Variants in ARPC2 observed in about 807,000 individuals in gnomAD.
ARPC2 encodes the protein actin related protein 2/3 complex subunit 2.
Under a neutral mutation model 38.6 loss-of-function variants are expected in ARPC2, and 4 were observed. The observed-to-expected ratio is 0.10, with a 90% CI of 0.05 to 0.24. ARPC2 has a LOEUF of 0.24. Among genes scored for constraint, ARPC2 ranks in the 10% least tolerant of loss-of-function variants. The pLI is 1.00. For synonymous variants in ARPC2, 125 were observed against 140.8 expected, an observed-to-expected ratio of 0.89 and a Z score of 0.79; for missense variants, 229 against 387.3, an observed-to-expected ratio of 0.59 and a Z score of 3.43.
Position 218,239,498 on chromosome 2 carries a change from A to C in ARPC2, c.549+14A>C. The C allele has an allele frequency of 3.7e-6, 6 of 1,605,110 alleles. No homozygotes were observed. The highest frequency in any genetic ancestry group is 4.3e-6 in the Non-Finnish European group (5 of 1,171,760). ...GTGTTCATGCAGGTATGGAGCAGAC[A>C]TCTTGGGGGAAACCCATGCATGGCG... is the stretch of plus-strand genomic sequence containing the variant. On this transcript the variant is annotated intron_variant, in intron 7 of 10. Coordinates refer to ENST00000315717, the MANE Select transcript of ARPC2 (RefSeq NM_152862.3).
At chr2:218,240,386 G>T (rs1689884470) in intron 7 of ARPC2, among the ~76,000 whole-genome samples, 1 of 152,194 alleles carries the variant, frequency 6.6e-6, no homozygotes, top group African/African-American at 2.4e-5. Context: ...ACTTTGTCAG[G>T]TTTCCTAACC....
chr2:218,234,135 C>G (rs1351577734), intron 4 of ARPC2: 7 of 421,674 alleles, frequency 1.7e-5, no homozygotes, highest in Middle Eastern at 6.2e-4. Context: ...CGCCATTGCA[C>G]TCTGTCCCAG....
chr2:218,223,130 C>G (rs1370474873), intron 2 of ARPC2, among the ~76,000 whole-genome samples: 1 of 152,198 alleles, frequency 6.6e-6, no homozygotes, highest in Non-Finnish European at 1.5e-5. Context: ...TTTCAGTTAC[C>G]TGCAGTGAGC....
intron 4 of ARPC2, among the ~76,000 whole-genome samples, chr2:218,230,276 C>CT (rs1404910498): frequency 1.8e-4 from 20 of 112,456 alleles, no homozygotes; most frequent in African/African-American, 3.2e-4. Flanking sequence ...CCAGCCTTTT[C>CT]TTTTTTTTTT....
At chr2:218,237,135 G>A (rs1689792831) in intron 5 of ARPC2, among the ~76,000 whole-genome samples, 1 of 152,078 alleles carries the variant, frequency 6.6e-6, no homozygotes, top group Admixed American at 6.6e-5. Context: ...TTTAAGTATT[G>A]AACATTCTTT....
chr2:218,230,904 T>C (rs1169004710), intron 4 of ARPC2, among the ~76,000 whole-genome samples: 2 of 152,164 alleles, frequency 1.3e-5, no homozygotes, highest in Non-Finnish European at 2.9e-5. Flanking sequence ...AAGAAAGAGT[T>C]AAGCTAGATT....
intron 4 of ARPC2, among the ~76,000 whole-genome samples, chr2:218,231,060 G>A (rs1029771636): frequency 6.6e-6 from 1 of 152,148 alleles, no homozygotes; most frequent in Non-Finnish European, 1.5e-5. Context: ...TTGGAGCAGA[G>A]TGCACAGTAA....
Position 218,249,816 on chromosome 2 carries a change from C to T in ARPC2, c.778-5C>T. ...TGCTTTAGTACCTGTTATGTTTGTT[C>T]CCAGGCCTATATTCACACACGTATG... On this transcript the variant is annotated splice_region_variant and splice_polypyrimidine_tract_variant and intron_variant, in intron 9 of 10. Coordinates refer to ENST00000315717, the MANE Select transcript of ARPC2 (RefSeq NM_152862.3). 1 of 1,611,776 alleles carries T rather than the reference C, an allele frequency of 6.2e-7. No individual in the cohort carries two copies.
At chr2:218,219,748 C>T (rs868178240) in intron 2 of ARPC2, among the ~76,000 whole-genome samples, 1 of 152,038 alleles carries the variant, frequency 6.6e-6, no homozygotes, top group Non-Finnish European at 1.5e-5. Flanking sequence ...TAAATCTAGG[C>T]TTTTATTCTG....
intron 7 of ARPC2, among the ~76,000 whole-genome samples, chr2:218,242,135 AT>A (rs1041253670): frequency 1.3e-5 from 2 of 152,124 alleles, no homozygotes; most frequent in African/African-American, 4.8e-5. Context: ...TGCTTTTGTC[AT>A]TTGGCAAGCA....
chr2:218,235,113 G>T, intron 5 of ARPC2: 1 of 300,382 alleles, frequency 3.3e-6, no homozygotes, highest in Non-Finnish European at 6.6e-6. Context: ...GATTAGAAAA[G>T]TCTTCTAAGA....
At chr2:218,240,242 C>T (rs929480541) in intron 7 of ARPC2, among the ~76,000 whole-genome samples, 8 of 152,134 alleles carry the variant, frequency 5.3e-5, no homozygotes, top group African/African-American at 1.4e-4. Context: ...CATGAGCCAC[C>T]GCGCCCAGCC....
chr2:218,231,038 A>T (rs1255354196), intron 4 of ARPC2, among the ~76,000 whole-genome samples: 2 of 152,190 alleles, frequency 1.3e-5, no homozygotes, highest in African/African-American at 4.8e-5. Context: ...GGAGTAAGTA[A>T]CATTCATAGT....
At chr2:218,234,550 G>A in intron 5 of ARPC2, 153 bp downstream of exon 5, 1 of 634,406 alleles carries the variant, frequency 1.6e-6, no homozygotes, top group Non-Finnish European at 2.7e-6. Context: ...CATAAAAATA[G>A]CTTTTAAGGG....
intron 10 of ARPC2, among the ~76,000 whole-genome samples, chr2:218,250,629 A>C (rs1249578425): frequency 2.0e-5 from 3 of 148,806 alleles, no homozygotes; most frequent in Non-Finnish European, 1.5e-5. Context: ...GTGCCACTGC[A>C]CTCCAGCCTG....
intron 7 of ARPC2, 141 bp downstream of exon 7, chr2:218,239,625 C>G: frequency 1.5e-6 from 1 of 649,328 alleles, no homozygotes; most frequent in Non-Finnish European, 2.6e-6. Context: ...CGGAGTTTCT[C>G]TCTTGTTGCC....
intron 7 of ARPC2, 27 bp from the exon 8 acceptor site, chr2:218,245,393 C>A (rs1690007921): frequency 6.2e-7 from 1 of 1,613,554 alleles, no homozygotes; most frequent in Non-Finnish European, 8.5e-7. Context: ...CACTTCTCTT[C>A]TGGTTGCTTT....
intron 9 of ARPC2, 144 bp from the exon 10 acceptor site, chr2:218,249,677 T>C: frequency 1.2e-6 from 1 of 840,942 alleles, no homozygotes; most frequent in Non-Finnish European, 1.8e-6. Flanking sequence ...CCAGAATTGC[T>C]CACCTTCCTG....
chr2:218,224,649 C>G (rs1221119817), intron 2 of ARPC2, among the ~76,000 whole-genome samples: 1 of 151,970 alleles, frequency 6.6e-6, no homozygotes, highest in Non-Finnish European at 1.5e-5. Flanking sequence ...CGTAAACCCA[C>G]TTGATACTTC....
Sources: allele counts gnomAD v4.1 joint callset (sites outside exome capture counted in the v4.1 genomes callset), GRCh38; gene constraint gnomAD v4.1.1; transcripts MANE v1.5; gene names NCBI Gene and HGNC (gene_info 2026-07-23, HGNC 2026-07-21).